The following EBF1 variants were observed in gnomAD, a reference collection of about 807,000 sequenced individuals.
The protein encoded by EBF1 is transcription factor COE1.
EBF1 carries 10 observed loss-of-function variants against 68.4 expected under a neutral mutation model. That is an observed-to-expected ratio of 0.15 (90% confidence interval 0.09 to 0.25). EBF1 has a LOEUF of 0.25. EBF1 is among the 10% of genes least tolerant of loss of function. The pLI, the probability that EBF1 is intolerant of heterozygous loss-of-function variation, is 1.00. For synonymous variants in EBF1, 298 were observed against 299.8 expected (o/e 0.99, Z 0.06); for missense variants, 509 against 794.4 (o/e 0.64, Z 4.32).
intron 6 of EBF1, among the ~76,000 whole-genome samples, chr5:159,049,341 G>A (rs1773068570): frequency 6.6e-6 from 1 of 152,120 alleles, no homozygotes; most frequent in Non-Finnish European, 1.5e-5. Flanking sequence ...TGGATAGAAA[G>A]CTCCTCTAAT....
At position 158,865,281 on chromosome 5, in the gene EBF1, G is replaced by A. The variant is rs189930445; in HGVS notation, c.555-25171C>T. On this transcript the variant is annotated intron_variant, in intron 6 of 15. Transcript: ENST00000313708. Reference sequence around the variant, plus strand: ...GCAAGCCTCCAAAATGTTAGAGGCAGCACAGCAGGTTGGTTATGACATGAA... The same window carrying A: ...GCAAGCCTCCAAAATGTTAGAGGCAACACAGCAGGTTGGTTATGACATGAA... Among the ~76,000 whole-genome samples the A allele has an allele frequency of 1.5e-4, 23 of 152,272 alleles. No homozygotes were observed. The East Asian group carries it at 3.7e-3, about 24-fold the overall frequency.
intron 6 of EBF1, among the ~76,000 whole-genome samples, chr5:158,851,841 G>A (rs1454793154): frequency 1.1e-5 from 1 of 91,386 alleles, no homozygotes; most frequent in Non-Finnish European, 2.2e-5. Flanking sequence ...GGACGGGAAG[G>A]GAAGAAGGGA....
intron 6 of EBF1, among the ~76,000 whole-genome samples, chr5:158,984,059 C>T (rs1197620085): frequency 1.3e-5 from 2 of 152,032 alleles, no homozygotes; most frequent in East Asian, 3.9e-4. Flanking sequence ...AGCTTATTTG[C>T]CATGAATCTT....
rs552926842 is a variant in EBF1, at chr5:158,794,808, A to G, written c.909+1537T>C. Among the ~76,000 whole-genome samples, 5 of 152,328 alleles carry G rather than the reference A, an allele frequency of 3.3e-5. No individual in the cohort carries two copies. In the East Asian group the frequency reaches 9.7e-4, roughly 29 times the overall value. ...AGGAGGAAGACAGCAGGCTGGCAGC[A>G]AAACATGCCATGAATTTGATGCTTC... On this transcript the variant is annotated intron_variant, in intron 9 of 15. Transcript: ENST00000313708.
chr5:158,752,944 G>T (rs1769246565), intron 10 of EBF1, among the ~76,000 whole-genome samples: 2 of 151,966 alleles, frequency 1.3e-5, no homozygotes. Context: ...CCTACAAATT[G>T]CACACAATTT....
intron 6 of EBF1, among the ~76,000 whole-genome samples, chr5:158,918,291 C>T (rs972873811): frequency 1.3e-5 from 2 of 152,202 alleles, no homozygotes; most frequent in Non-Finnish European, 2.9e-5. Flanking sequence ...TCTCCCAAAA[C>T]ATGGCTTAAG....
At chr5:158,877,333 T>C (rs1797995546) in intron 6 of EBF1, among the ~76,000 whole-genome samples, 1 of 152,234 alleles carries the variant, frequency 6.6e-6, no homozygotes, top group Admixed American at 6.5e-5. Flanking sequence ...ACAGCCATGT[T>C]TACCTTTTGA....
chr5:158,868,345 C>T lies in EBF1; in HGVS notation c.555-28235G>A, dbSNP rs78462030. ...ACATGCTGCCTAAAAAAAAATCACT[C>T]AAAAATTTAAAGGAAATTAAGAAGA... is the stretch of plus-strand genomic sequence containing the variant. On this transcript the variant is annotated intron_variant, in intron 6 of 15. Coordinates refer to ENST00000313708, the MANE Select transcript of EBF1 (RefSeq NM_024007.5). Among the ~76,000 whole-genome samples the T allele has an allele frequency of 2.9e-3, 439 of 152,042 alleles. 1 individual carries two copies. The highest frequency in any genetic ancestry group is 0.01 in the African/African-American group (415 of 41,452).
intron 10 of EBF1, among the ~76,000 whole-genome samples, chr5:158,740,580 G>A (rs148461417): frequency 2.9e-4 from 44 of 152,328 alleles, no homozygotes; most frequent in African/African-American, 1.0e-3. Context: ...AGAAGATTAA[G>A]TGATTATTTG....
chr5:158,844,509 T>C (rs1406504500), intron 6 of EBF1, among the ~76,000 whole-genome samples: 1 of 152,236 alleles, frequency 6.6e-6, no homozygotes, highest in African/African-American at 2.4e-5. Context: ...TAGGATTTTA[T>C]AAGTGATCTT....
intron 6 of EBF1, among the ~76,000 whole-genome samples, chr5:159,004,158 T>C (rs1470068297): frequency 6.6e-6 from 1 of 151,560 alleles, no homozygotes; most frequent in Non-Finnish European, 1.5e-5. Context: ...GTGCCTGTAA[T>C]CCCAGCTACT....
At chr5:158,952,663 T>A (rs1341623789) in intron 6 of EBF1, among the ~76,000 whole-genome samples, 1 of 152,232 alleles carries the variant, frequency 6.6e-6, no homozygotes, top group African/African-American at 2.4e-5. Flanking sequence ...GTTTTGTTAT[T>A]GCATTATTTG....
intron 6 of EBF1, among the ~76,000 whole-genome samples, chr5:158,943,298 T>C (rs1813876863): frequency 6.6e-6 from 1 of 150,512 alleles, no homozygotes; most frequent in Admixed American, 6.6e-5. Flanking sequence ...CTGATAACCA[T>C]TCATTCACTT....
intron 6 of EBF1, among the ~76,000 whole-genome samples, chr5:158,986,181 T>TCC (rs1759026021): frequency 6.6e-6 from 1 of 152,156 alleles, no homozygotes; most frequent in Non-Finnish European, 1.5e-5. Flanking sequence ...TTTCTGTCCT[T>TCC]CTCTCTCTGG....
chr5:158,770,968 C>T (rs1451989243), intron 10 of EBF1, among the ~76,000 whole-genome samples: 1 of 152,144 alleles, frequency 6.6e-6, no homozygotes, highest in African/African-American at 2.4e-5. Flanking sequence ...TGTTTCAGGA[C>T]TTGGCCTAGA....
At chr5:159,088,553 G>A (rs975896322) in intron 4 of EBF1, among the ~76,000 whole-genome samples, 4 of 152,132 alleles carry the variant, frequency 2.6e-5, no homozygotes, top group Non-Finnish European at 5.9e-5. Flanking sequence ...GATCAGCTGG[G>A]AGATCACAGA....
At chr5:158,775,761 CACACACACACACATGCACACAG>C (rs1410948122) in intron 10 of EBF1, among the ~76,000 whole-genome samples, 4 of 138,888 alleles carry the variant, frequency 2.9e-5, no homozygotes, top group Non-Finnish European at 4.6e-5. Context: ...CACACACACA[CACACACACACACATGCACACAG>C]ACACACACAC....
intron 8 of EBF1, among the ~76,000 whole-genome samples, chr5:158,805,486 G>C (rs979807605): frequency 6.6e-6 from 1 of 152,080 alleles, no homozygotes; most frequent in Non-Finnish European, 1.5e-5. Flanking sequence ...CTTATGTCTG[G>C]AGGCAGGACC....
chr5:158,747,193 T>C (rs1252739068), intron 10 of EBF1, among the ~76,000 whole-genome samples: 1 of 152,172 alleles, frequency 6.6e-6, no homozygotes, highest in Non-Finnish European at 1.5e-5. Context: ...CAACTAAAAC[T>C]CAAATGTTGG....
Sources: gnomAD v4.1 joint callset for allele counts (sites outside exome capture counted in the v4.1 genomes callset) on GRCh38, gnomAD v4.1.1 for gene constraint, MANE v1.5 for transcripts, NCBI Gene and HGNC (gene_info 2026-07-23, HGNC 2026-07-21) for gene names.